Variants in ANXA6 observed in about 807,000 individuals in gnomAD.
ANXA6 encodes annexin A6.
Under a neutral mutation model 95.4 loss-of-function variants are expected in ANXA6, and 71 were observed. That is an observed-to-expected ratio of 0.74 (90% confidence interval 0.61 to 0.91). ANXA6 has a LOEUF of 0.91. Ranked by LOEUF, ANXA6 falls within the 40% of genes least tolerant of loss-of-function variation. ANXA6 has a pLI of 0.00. For synonymous variants in ANXA6, 289 were observed against 315.9 expected (o/e 0.91, Z 0.90); for missense variants, 830 against 876.4 (o/e 0.95, Z 0.67).
rs1418979161 is a variant in ANXA6 at position 151,111,577 on chromosome 5, T to C, written c.1573-933A>G. ...AGCCTTCCACGATAGAATACAAGAC[T>C]GTTCACTGCAGCATTCTTTTTAATT... On this transcript the variant is annotated intron_variant, in intron 20 of 25. Transcript: ENST00000354546. Among the ~76,000 whole-genome samples the C allele has an allele frequency of 2.6e-5, 4 of 152,320 alleles. No individual in the cohort carries two copies. In the East Asian group the frequency reaches 5.8e-4, roughly 22 times the overall value.
chr5:151,126,690 G>A (rs1765332231), intron 13 of ANXA6, among the ~76,000 whole-genome samples: 1 of 151,560 alleles, frequency 6.6e-6, no homozygotes, highest in Admixed American at 6.6e-5. Context: ...TCCATCTCTT[G>A]AGACCCCCTG....
At chr5:151,119,593 C>T (rs1765104428) in intron 17 of ANXA6, among the ~76,000 whole-genome samples, 1 of 152,210 alleles carries the variant, frequency 6.6e-6, no homozygotes, top group Non-Finnish European at 1.5e-5. Context: ...CCCATGTGAA[C>T]TGCTTTGCCT....
chr5:151,133,399 A>G, intron 8 of ANXA6: 1 of 551,370 alleles, frequency 1.8e-6, no homozygotes. Context: ...TTGTGTGATC[A>G]TAGAGCACTC....
chr5:151,143,868 C>A (rs1292259606), intron 2 of ANXA6, among the ~76,000 whole-genome samples: 1 of 152,002 alleles, frequency 6.6e-6, no homozygotes, highest in East Asian at 1.9e-4. Flanking sequence ...GAGGGATGAG[C>A]AACAGGCTGG....
intron 13 of ANXA6, 91 bp from the exon 14 acceptor site, chr5:151,126,571 C>T (rs1765325630): frequency 2.2e-6 from 2 of 912,784 alleles, no homozygotes; most frequent in Admixed American, 2.0e-5. Flanking sequence ...CACACACACA[C>T]CCCAACACAT....
At chr5:151,140,600 A>T (rs1273149206) in intron 2 of ANXA6, 1 of 133,644 alleles carries the variant, frequency 7.5e-6, no homozygotes, top group Admixed American at 7.2e-5. Context: ...ATATATATAT[A>T]TATATTTTAA....
At chr5:151,154,560 G>T (rs1240648082) in intron 1 of ANXA6, among the ~76,000 whole-genome samples, 1 of 152,044 alleles carries the variant, frequency 6.6e-6, no homozygotes, top group East Asian at 1.9e-4. Flanking sequence ...TTTCTTGCTG[G>T]CTTCTCCCCC....
chr5:151,104,608 C>T (rs1764643927), intron 24 of ANXA6, among the ~76,000 whole-genome samples: 1 of 152,214 alleles, frequency 6.6e-6, no homozygotes, highest in South Asian at 2.1e-4. Context: ...CAATGAATGG[C>T]TGTCACATTT....
chr5:151,120,002 C>A (rs1333947986), intron 17 of ANXA6, among the ~76,000 whole-genome samples: 1 of 152,140 alleles, frequency 6.6e-6, no homozygotes, highest in Non-Finnish European at 1.5e-5. Context: ...ACTTCAGCCT[C>A]CCAAGTAGCT....
At chr5:151,125,002 A>G (rs748193052) in intron 14 of ANXA6, among the ~76,000 whole-genome samples, 5 of 152,232 alleles carry the variant, frequency 3.3e-5, no homozygotes, top group Non-Finnish European at 5.9e-5. Context: ...ATCCTGTTAC[A>G]TATCCCAGGT....
chr5:151,138,840 G>A, intron 4 of ANXA6, 49 bp from the exon 5 acceptor site: 1 of 1,294,116 alleles, frequency 7.7e-7, no homozygotes, highest in Non-Finnish European at 1.1e-6. Context: ...AGGAAGAGTA[G>A]TTACAACGGT....
At chr5:151,142,865 C>A (rs973260163) in intron 2 of ANXA6, among the ~76,000 whole-genome samples, 4 of 152,206 alleles carry the variant, frequency 2.6e-5, no homozygotes, top group African/African-American at 7.2e-5. Flanking sequence ...TTGAAAGATG[C>A]CACCAGGGGC....
In ANXA6 at chr5:151,128,231, G is replaced by T; in HGVS notation, c.927C>A (p.Thr309=). ...KSLYSMIKND[T]SGEYKKTLLK... is the part of the protein sequence containing the mutation. ...GCAGAGTCTTCTTGTACTCGCCAGAGGTGTCATTCTGAAGAGAAAGAAAGA... is the reference window on the plus strand; with the variant it reads ...GCAGAGTCTTCTTGTACTCGCCAGATGTGTCATTCTGAAGAGAAAGAAAGA... Residue 309 remains threonine, a synonymous_variant, in exon 13 of 26, where the codon ACC becomes ACA. Coordinates refer to ENST00000354546, the MANE Select transcript of ANXA6 (RefSeq NM_001155.5). 1.9e-6 allele frequency: 3 copies of T among 1,611,040 alleles called. No individual in the cohort carries two copies. The South Asian group carries it at 3.3e-5, about 18-fold the overall frequency.
chr5:151,112,205 A>G (rs186881334), intron 20 of ANXA6, among the ~76,000 whole-genome samples: 3 of 152,362 alleles, frequency 2.0e-5, no homozygotes, highest in Non-Finnish European at 2.9e-5. Context: ...GGATAAGATT[A>G]TCTACAATGC....
intron 7 of ANXA6, among the ~76,000 whole-genome samples, chr5:151,134,781 A>T (rs571422806): frequency 6.6e-6 from 1 of 151,700 alleles, no homozygotes; most frequent in Non-Finnish European, 1.5e-5. Context: ...TGCCCTGAGG[A>T]CCTCTCTGAG....
chr5:151,120,308 T>C (rs1014201175), intron 17 of ANXA6, among the ~76,000 whole-genome samples: 4 of 151,408 alleles, frequency 2.6e-5, no homozygotes, highest in Non-Finnish European at 5.9e-5. Context: ...CAGGCAAGAT[T>C]GACTGATTGA....
intron 20 of ANXA6, 55 bp from the exon 21 acceptor site, chr5:151,110,699 G>T: frequency 6.2e-7 from 1 of 1,604,738 alleles, no homozygotes; most frequent in Non-Finnish European, 8.5e-7. Context: ...AGTCAGAGGA[G>T]GTTGGGGAGG....
In ANXA6 at chr5:151,124,317, G is replaced by A. The variant is rs751604660; in HGVS notation, c.1107C>T (p.Ala369=). 17 of 1,613,500 alleles carry A rather than the reference G, an allele frequency of 1.1e-5. No homozygotes were observed. The East Asian group carries it at 1.3e-4, about 13-fold the overall frequency. ...CCTTCATGGCTTTCCGCAGCGCTTT[G>A]GCATCTGCGTCAGGGTTGAAGTCAT... The part of the protein sequence containing the change: ...PANDFNPDAD[A]KALRKAMKGL... Residue 369 remains alanine (A), a synonymous_variant, in exon 15 of 26, where the codon GCC becomes GCT. Transcript: ENST00000354546.
intron 1 of ANXA6, among the ~76,000 whole-genome samples, chr5:151,148,748 G>A (rs1766030443): frequency 1.3e-5 from 2 of 152,152 alleles, no homozygotes; most frequent in East Asian, 1.9e-4. Flanking sequence ...AGGATCTCAC[G>A]AGTGTGACTG....
Sources: allele counts gnomAD v4.1 joint callset (sites outside exome capture counted in the v4.1 genomes callset), GRCh38; gene constraint gnomAD v4.1.1; transcripts MANE v1.5; gene names NCBI Gene and HGNC (gene_info 2026-07-23, HGNC 2026-07-21).